Variants in ROCK2 observed in about 807,000 individuals in gnomAD.
ROCK2 encodes Rho associated coiled-coil containing protein kinase 2.
ROCK2 carries 61 observed loss-of-function variants against 195.1 expected under a neutral mutation model. The observed-to-expected ratio is 0.31, with a 90% CI of 0.25 to 0.39. The LOEUF (loss-of-function observed/expected upper bound fraction) is 0.39. ROCK2 is among the 10% of genes least tolerant of loss of function. The pLI is 1.00. For missense variants in ROCK2, 1,109 were observed against 1,637.4 expected (o/e 0.68, Z 5.57); for synonymous variants, 504 against 545.5 (o/e 0.92, Z 1.06).
At chr2:11,345,044 C>T (rs982636453), upstream of ROCK2, among the ~76,000 whole-genome samples, 5 of 151,928 alleles carry the variant, frequency 3.3e-5, no homozygotes, top group East Asian at 1.9e-4. Context: ...CCCGCCGCGG[C>T]CCCCGCTGAC....
chr2:11,211,902 T>C (rs1213820726), intron 17 of ROCK2, 62 bp from the exon 18 acceptor site: 1 of 1,359,182 alleles, frequency 7.4e-7, no homozygotes, highest in Non-Finnish European at 9.9e-7. Context: ...TTTCAAAAGC[T>C]TTCTAATTTT....
intron 1 of ROCK2, among the ~76,000 whole-genome samples, chr2:11,337,521 G>A (rs968321603): frequency 2.6e-5 from 4 of 152,122 alleles, no homozygotes; most frequent in African/African-American, 4.8e-5. Flanking sequence ...CATGCAAATC[G>A]AAATCACATT....
chr2:11,308,987 T>C (rs1572390843), intron 1 of ROCK2: 5 of 1,604,380 alleles, frequency 3.1e-6, no homozygotes, highest in African/African-American at 1.3e-5. Flanking sequence ...TACCACTCAG[T>C]AGAAACCATC....
intron 6 of ROCK2, 50 bp from the exon 7 acceptor site, chr2:11,224,510 A>T (rs1482540911): frequency 6.5e-7 from 1 of 1,536,744 alleles, no homozygotes; most frequent in South Asian, 1.2e-5. Flanking sequence ...ATGCAAAGGA[A>T]ACACTTTTCA....
intron 1 of ROCK2, among the ~76,000 whole-genome samples, chr2:11,294,724 G>T (rs1319677207): frequency 2.6e-5 from 4 of 152,120 alleles, no homozygotes; most frequent in African/African-American, 9.6e-5. Flanking sequence ...AATACATAAT[G>T]TAACATATTG....
rs146778238 is a variant in ROCK2 at position 11,272,631 on chromosome 2, G to A, written c.324+13908C>T. On this transcript the variant is annotated intron_variant, in intron 3 of 32. Coordinates refer to ENST00000315872, the MANE Select transcript of ROCK2 (RefSeq NM_004850.5). ...GCAGTGGTTCACGCCTATAACCCTA[G>A]CACTTTGGGAGGCCGAGGCAGGTGG... 8.0e-3 allele frequency among the ~76,000 whole-genome samples: 1,217 copies of A among 152,168 alleles called. 8 individuals carry two copies. The highest frequency in any genetic ancestry group is 0.014 in the Non-Finnish European group (942 of 67,980).
chr2:11,252,842 T>C (rs1665883026), intron 3 of ROCK2, among the ~76,000 whole-genome samples: 1 of 151,806 alleles, frequency 6.6e-6, no homozygotes, highest in African/African-American at 2.4e-5. Flanking sequence ...AGGAGAAATG[T>C]AGATGACAGG....
chr2:11,265,316 T>C (rs1666375920), intron 3 of ROCK2, among the ~76,000 whole-genome samples: 1 of 152,080 alleles, frequency 6.6e-6, no homozygotes, highest in African/African-American at 2.4e-5. Context: ...TTAATAAGAG[T>C]AGTTCTCTCT....
chr2:11,252,876 T>A (rs936514052), intron 3 of ROCK2, among the ~76,000 whole-genome samples: 1 of 151,614 alleles, frequency 6.6e-6, no homozygotes, highest in African/African-American at 2.4e-5. Flanking sequence ...CAAACCACCA[T>A]GGCACACGTA....
intron 1 of ROCK2, among the ~76,000 whole-genome samples, chr2:11,339,934 C>T (rs927063200): frequency 8.5e-5 from 13 of 152,164 alleles, no homozygotes; most frequent in African/African-American, 2.4e-4. Flanking sequence ...TATGTTTTTA[C>T]GCTTCGTAAC....
intron 3 of ROCK2, among the ~76,000 whole-genome samples, chr2:11,261,367 G>A (rs1035285122): frequency 6.6e-6 from 1 of 152,194 alleles, no homozygotes; most frequent in African/African-American, 2.4e-5. Context: ...CTTTGAGGAT[G>A]TCTCTTTCCA....
At chr2:11,254,873 C>T (rs7568064) in intron 3 of ROCK2, among the ~76,000 whole-genome samples, 111,066 of 151,668 alleles carry the variant, frequency 0.73, 42,495 homozygotes, top group East Asian at 0.94. Context: ...ACATTAAACC[C>T]TAAAAGATCC....
chr2:11,336,966 G>A (rs557710484), intron 1 of ROCK2, among the ~76,000 whole-genome samples: 39 of 152,326 alleles, frequency 2.6e-4, no homozygotes, highest in Middle Eastern at 6.8e-3. Context: ...TATGGGGCCA[G>A]GCATGGCGGC....
At chr2:11,239,782 C>T (rs1665358551) in intron 4 of ROCK2, among the ~76,000 whole-genome samples, 1 of 152,100 alleles carries the variant, frequency 6.6e-6, no homozygotes, top group Non-Finnish European at 1.5e-5. Context: ...ACAAAATTTC[C>T]CTCACTTCAG....
chr2:11,254,727 TAAA>T (rs10640683), intron 3 of ROCK2, among the ~76,000 whole-genome samples: 1,128 of 39,072 alleles, frequency 0.029, 39 homozygotes, highest in African/African-American at 0.11. Flanking sequence ...CCCTGTCTCT[TAAA>T]AAAAAAAAAA....
intron 1 of ROCK2, among the ~76,000 whole-genome samples, chr2:11,331,742 T>G (rs865901352): frequency 6.6e-6 from 1 of 151,990 alleles, no homozygotes; most frequent in African/African-American, 2.4e-5. Flanking sequence ...CTGGCCAACA[T>G]AGTGAAACCC....
At chr2:11,183,544 T>G (rs886208436) in intron 32 of ROCK2, 104 bp from the exon 33 acceptor site, 37 of 748,540 alleles carry the variant, frequency 4.9e-5, no homozygotes, top group Non-Finnish European at 7.7e-5. Flanking sequence ...CTATATAGTC[T>G]TCCAGCTACT....
chr2:11,344,140 G>A lies in ROCK2; in HGVS notation c.-4C>T. On this transcript the variant is annotated 5_prime_UTR_variant, in exon 1 of 33. Coordinates refer to ENST00000315872, the MANE Select transcript of ROCK2 (RefSeq NM_004850.5). This position sits in a 1 kb window ranked among gnomAD's most constrained non-coding sequence, Gnocchi z 5.4. Reference sequence around the variant, plus strand: ...CCGTCGGCGGGGGCCGGCTCATGCCGCCACCGCTGGACCCGCACTCAGGCT... The same window carrying A: ...CCGTCGGCGGGGGCCGGCTCATGCCACCACCGCTGGACCCGCACTCAGGCT... 7.0e-7 allele frequency: 1 copy of A among 1,435,850 alleles called. No individual in the cohort carries two copies. The allele number at this position is 1,435,850 out of a possible 1,614,324, so 88.9% of individuals were successfully genotyped here. A position where few individuals can be genotyped will look rare whatever the true frequency, so the allele number is the denominator to read the frequency against.
chr2:11,221,197 C>T lies in ROCK2; in HGVS notation c.1259+1G>A, dbSNP rs1179978368. ...AATTTAACAAATAATAAACCACATA[C>T]AAATTTTCTCTATAGTAGGTAAATC... On this transcript the variant is annotated splice_donor_variant, in intron 9 of 32. Transcript: ENST00000315872. LOFTEE classifies it high-confidence loss of function. 6.5e-7 allele frequency: 1 copy of T among 1,541,314 alleles called. No homozygotes were observed. Among genetic ancestry groups the T allele is most frequent in the East Asian group, 2.4e-5 (1 of 41,626 alleles).
Sources: gnomAD v4.1 joint callset for allele counts (sites outside exome capture counted in the v4.1 genomes callset) on GRCh38, gnomAD v4.1.1 for gene constraint, Gnocchi (gnomAD v3.1) non-coding constraint, MANE v1.5 for transcripts, NCBI Gene and HGNC (gene_info 2026-07-23, HGNC 2026-07-21) for gene names.